The following STK24 variants were observed in gnomAD, a reference collection of about 807,000 sequenced individuals.
The protein encoded by STK24 is serine/threonine-protein kinase 24.
STK24 carries 21 observed loss-of-function variants against 55.6 expected under a neutral mutation model. The ratio of observed to expected loss-of-function variants is 0.38; its 90% CI spans 0.27 to 0.54. STK24 has a LOEUF of 0.54. STK24 is among the 20% of genes least tolerant of loss of function. The pLI is 0.79. For missense variants in STK24, 383 were observed against 538.4 expected (o/e 0.71, Z 2.86); for synonymous variants, 200 against 215.2 (o/e 0.93, Z 0.62).
chr13:98,460,521 C>A (rs1893659870), intron 8 of STK24, 81 bp from the exon 9 acceptor site: 1 of 1,199,226 alleles, frequency 8.3e-7, no homozygotes, highest in Non-Finnish European at 1.2e-6. Flanking sequence ...CCCACCTGGA[C>A]TATGGAAGCG....
chr13:98,490,965 C>T (rs1349472172), intron 2 of STK24, among the ~76,000 whole-genome samples: 2 of 151,988 alleles, frequency 1.3e-5, no homozygotes, highest in African/African-American at 2.4e-5. Context: ...CTGGAGAAAA[C>T]GAGAGAGAGC....
At chr13:98,485,266 G>A (rs955756919) in intron 2 of STK24, among the ~76,000 whole-genome samples, 1 of 152,204 alleles carries the variant, frequency 6.6e-6, no homozygotes, top group African/African-American at 2.4e-5. Flanking sequence ...CGAGCATTCG[G>A]GGAGAATTTT....
At chr13:98,535,361 CAAA>C (rs34537903) in intron 1 of STK24, among the ~76,000 whole-genome samples, 2,749 of 64,098 alleles carry the variant, frequency 0.043, 41 homozygotes, top group Non-Finnish European at 0.061. Context: ...AACAAACAAA[CAAA>C]AAAAAAATAT....
chr13:98,535,370 A>ATATATAT (rs1348117880), intron 1 of STK24, among the ~76,000 whole-genome samples: 1 of 55,952 alleles, frequency 1.8e-5, no homozygotes, highest in South Asian at 5.8e-4. Context: ...ACAAAAAAAA[A>ATATATAT]ATATATATAT....
chr13:98,543,098 C>T (rs1395803240), intron 1 of STK24: 18 of 861,718 alleles, frequency 2.1e-5, no homozygotes, highest in South Asian at 1.6e-4. Context: ...AGCTCCGCTC[C>T]GGCTGGGAGG....
At chr13:98,465,866 G>A (rs1432648810) in intron 6 of STK24, among the ~76,000 whole-genome samples, 1 of 152,216 alleles carries the variant, frequency 6.6e-6, no homozygotes, top group Non-Finnish European at 1.5e-5. Context: ...CTGCTGTATG[G>A]CTCTGCCAGA....
chr13:98,500,653 G>C (rs993100294), intron 2 of STK24, among the ~76,000 whole-genome samples: 1 of 107,686 alleles, frequency 9.3e-6, no homozygotes, highest in East Asian at 3.0e-4. Context: ...CCATCGGCTC[G>C]CCAGTCAGTC....
chr13:98,509,006 T>A (rs1895788394), intron 2 of STK24: 1 of 152,232 alleles, frequency 6.6e-6, no homozygotes, highest in African/African-American at 2.4e-5. Flanking sequence ...GTAATGTGGC[T>A]ACCAGGCCAA....
At position 98,500,776 on chromosome 13, in the gene STK24, C is replaced by A. The variant is rs550415461; in HGVS notation, c.274-18455G>T. Among the ~76,000 whole-genome samples, 14 of 152,148 alleles carry A rather than the reference C, an allele frequency of 9.2e-5. No homozygotes were observed. In the East Asian group the frequency reaches 2.7e-3, roughly 29 times the overall value. On this transcript the variant is annotated intron_variant, in intron 2 of 10. Transcript: ENST00000539966. ...ACAATAATTAGATTTAGCACACAGG[C>A]AAGTGCTGGGTAGGCCCAACTTAAT...
chr13:98,513,165 C>T (rs1895944011), intron 2 of STK24, among the ~76,000 whole-genome samples: 1 of 152,188 alleles, frequency 6.6e-6, no homozygotes, highest in African/African-American at 2.4e-5. Context: ...ATGGACACGC[C>T]CTTCTCATGA....
intron 3 of STK24, among the ~76,000 whole-genome samples, chr13:98,481,911 C>CA (rs1298246370): frequency 6.6e-6 from 1 of 151,696 alleles, no homozygotes; most frequent in Non-Finnish European, 1.5e-5. Context: ...CAACAACAAC[C>CA]ACAAAATTGG....
chr13:98,575,007 G>A (rs546691029), intron 1 of STK24, among the ~76,000 whole-genome samples: 184 of 152,308 alleles, frequency 1.2e-3, no homozygotes, highest in African/African-American at 4.4e-3. Flanking sequence ...TGAGGCATTT[G>A]TGCTAGATTC....
intron 1 of STK24, among the ~76,000 whole-genome samples, chr13:98,549,251 G>A (rs2139432187): frequency 6.6e-6 from 1 of 152,320 alleles, no homozygotes; most frequent in South Asian, 2.1e-4. Context: ...TCGATTCATT[G>A]CTTACAGTTC....
chr13:98,520,692 C>T (rs1331497105), intron 1 of STK24, among the ~76,000 whole-genome samples: 1 of 152,242 alleles, frequency 6.6e-6, no homozygotes, highest in Admixed American at 6.5e-5. Context: ...GCCACCCAGC[C>T]ACAGCTCTCC....
intron 2 of STK24, among the ~76,000 whole-genome samples, chr13:98,506,408 G>A (rs1414036086): frequency 6.6e-6 from 1 of 152,186 alleles, no homozygotes; most frequent in Non-Finnish European, 1.5e-5. Context: ...ATAGGCAACC[G>A]TGAACATCCA....
At chr13:98,562,387 G>A (rs927949121) in intron 1 of STK24, among the ~76,000 whole-genome samples, 7 of 152,098 alleles carry the variant, frequency 4.6e-5, no homozygotes, top group Non-Finnish European at 8.8e-5. Flanking sequence ...AACGGGACTC[G>A]CACACCACAG....
At chr13:98,575,958 CAA>C in intron 1 of STK24, 1 of 896,074 alleles carries the variant, frequency 1.1e-6, no homozygotes, top group Non-Finnish European at 1.3e-6. Flanking sequence ...TCCCACTCCC[CAA>C]AAAGTCACTG....
chr13:98,456,711 C>G (rs1406851889), intron 10 of STK24: 1 of 370,528 alleles, frequency 2.7e-6, no homozygotes, highest in Non-Finnish European at 5.4e-6. Flanking sequence ...GGCTTCCAGA[C>G]ATGACACACA....
At chr13:98,554,735 C>T (rs1897242092) in intron 1 of STK24, among the ~76,000 whole-genome samples, 2 of 152,154 alleles carry the variant, frequency 1.3e-5, no homozygotes, top group Non-Finnish European at 2.9e-5. Flanking sequence ...AATTGTTAGG[C>T]CAGGCGCGGT....
Sources: allele counts gnomAD v4.1 joint callset (sites outside exome capture counted in the v4.1 genomes callset), GRCh38; gene constraint gnomAD v4.1.1; transcripts MANE v1.5; gene names NCBI Gene and HGNC (gene_info 2026-07-23, HGNC 2026-07-21).